Variants in GLIPR1L2 observed in about 807,000 individuals in gnomAD.
GLIPR1L2 encodes the protein GLIPR1 like 2, also known as GLIPR1-like protein 2.
Under a neutral mutation model 28.4 loss-of-function variants are expected in GLIPR1L2, and 21 were observed. The observed-to-expected ratio is 0.74, with a 90% CI of 0.52 to 1.06. GLIPR1L2 has a LOEUF of 1.06. GLIPR1L2 is among the 50% of genes least tolerant of loss of function. The pLI is 0.00. For missense variants in GLIPR1L2, 476 were observed against 416.9 expected, an observed-to-expected ratio of 1.14 and a Z score of -1.23; for synonymous variants, 145 against 139.3, an observed-to-expected ratio of 1.04 and a Z score of -0.29.
Position 75,405,019 on chromosome 12 carries a change from T to C in GLIPR1L2, c.235-5415T>C, listed in dbSNP as rs576346005. ...ATACCTATAAAAGCTAGTGAGATGGTATATTCATAAAATTTGCTAGTCTAC... is the reference window on the plus strand; with the variant it reads ...ATACCTATAAAAGCTAGTGAGATGGCATATTCATAAAATTTGCTAGTCTAC... On this transcript the variant is annotated intron_variant, in intron 1 of 5. Transcript: ENST00000550916. 6.6e-5 allele frequency among the ~76,000 whole-genome samples: 10 copies of C among 152,330 alleles called. No individual in the cohort carries two copies. The South Asian group carries it at 8.3e-4, about 13-fold the overall frequency.
chr12:75,410,083 G>T (rs1034507106), intron 1 of GLIPR1L2, among the ~76,000 whole-genome samples: 1 of 151,442 alleles, frequency 6.6e-6, no homozygotes, highest in African/African-American at 2.4e-5. Flanking sequence ...TTAGATTGTT[G>T]TATTTCTGTG....
intron 4 of GLIPR1L2, among the ~76,000 whole-genome samples, chr12:75,425,310 T>C (rs1016005124): frequency 6.6e-6 from 1 of 151,994 alleles, no homozygotes; most frequent in African/African-American, 2.4e-5. Context: ...GAAGAGTCCA[T>C]GTTGGAGTGG....
intron 4 of GLIPR1L2, among the ~76,000 whole-genome samples, chr12:75,424,265 T>A (rs2139962915): frequency 6.6e-6 from 1 of 152,360 alleles, no homozygotes; most frequent in Non-Finnish European, 1.5e-5. Flanking sequence ...CTGTTCTAAC[T>A]GGCATGAGAT....
intron 1 of GLIPR1L2, among the ~76,000 whole-genome samples, chr12:75,392,732 C>T (rs1292092456): frequency 6.6e-6 from 1 of 151,914 alleles, no homozygotes; most frequent in East Asian, 1.9e-4. Context: ...TATCTCATCT[C>T]TAAAAATTAT....
intron 3 of GLIPR1L2, among the ~76,000 whole-genome samples, chr12:75,415,344 G>T (rs2045913375): frequency 6.6e-6 from 1 of 152,076 alleles, no homozygotes; most frequent in Non-Finnish European, 1.5e-5. Context: ...GGTAGAGAAT[G>T]AAATATAAGG....
chr12:75,431,152 G>A lies in GLIPR1L2; in HGVS notation c.1026G>A (p.Glu342=), dbSNP rs2139972489. ...EETQKEKMEE[E]EK ...CACAAAAAGAAAAGATGGAGGAAGA[G>A]GAAAAATAAGAGTAGAAAGAGGAGG... Residue 342 remains glutamate, a synonymous_variant, in exon 6 of 6, where the codon GAG becomes GAA. Coordinates refer to ENST00000550916, the MANE Select transcript of GLIPR1L2 (RefSeq NM_001270396.2). The A allele has an allele frequency of 5.5e-6, 4 of 723,626 alleles. No homozygotes were observed. The highest frequency in any genetic ancestry group is 2.7e-5 in the East Asian group (1 of 36,550). 44.8% of individuals were successfully genotyped at this position (723,626 alleles called of 1,614,324 possible). A position where few individuals can be genotyped will look rare whatever the true frequency, so the allele number is the denominator to read the frequency against.
intron 1 of GLIPR1L2, among the ~76,000 whole-genome samples, chr12:75,396,485 C>T (rs2045682711): frequency 1.3e-5 from 2 of 152,192 alleles, no homozygotes; most frequent in African/African-American, 4.8e-5. Flanking sequence ...CTTTTAATAG[C>T]TCATTCAGCA....
intron 4 of GLIPR1L2, among the ~76,000 whole-genome samples, chr12:75,427,880 G>A (rs2046050259): frequency 1.3e-5 from 2 of 152,108 alleles, no homozygotes; most frequent in Admixed American, 1.3e-4. Flanking sequence ...AGTTTCCTGA[G>A]GCCTCTCCAG....
chr12:75,431,952 T>C lies in GLIPR1L2; in HGVS notation c.*791T>C, dbSNP rs1243530040. 2.0e-5 allele frequency: 3 copies of C among 152,082 alleles called. No individual in the cohort carries two copies. In the East Asian group the frequency reaches 5.8e-4, roughly 29 times the overall value. 9.4% of individuals were successfully genotyped at this position (152,082 alleles called of 1,614,324 possible). A position where few individuals can be genotyped will look rare whatever the true frequency, so the allele number is the denominator to read the frequency against. On this transcript the variant is annotated 3_prime_UTR_variant, in exon 6 of 6. Transcript: ENST00000550916. ...TAAGATAACTGCTTACCACTAGTAA[T>C]ACTAATAAATGAACTAAATAAAAAT...
chr12:75,412,945 C>T (rs1594017087), intron 2 of GLIPR1L2, among the ~76,000 whole-genome samples: 1 of 151,750 alleles, frequency 6.6e-6, no homozygotes, highest in Non-Finnish European at 1.5e-5. Flanking sequence ...GGAACCAACC[C>T]AAATGTCCAA....
chr12:75,414,777 G>A (rs1045356607), intron 3 of GLIPR1L2, among the ~76,000 whole-genome samples: 4 of 151,946 alleles, frequency 2.6e-5, no homozygotes, highest in African/African-American at 9.7e-5. Context: ...GTTGGTAGAG[G>A]TTTTTCTGGG....
At chr12:75,429,605 GC>G (rs1332675102) in intron 4 of GLIPR1L2, among the ~76,000 whole-genome samples, 4 of 152,212 alleles carry the variant, frequency 2.6e-5, no homozygotes, top group Middle Eastern at 3.4e-3. Flanking sequence ...TTTGGAAGGG[GC>G]TGTGGCAGAA....
chr12:75,391,647 TTTAAAAA>T (rs2045602251), intron 1 of GLIPR1L2: 2 of 755,182 alleles, frequency 2.6e-6, no homozygotes, highest in Non-Finnish European at 4.0e-6. Context: ...GCAACGGGTT[TTTAAAAA>T]TTAAAAATCA....
At chr12:75,417,052 A>C (rs1398158888) in intron 3 of GLIPR1L2, among the ~76,000 whole-genome samples, 3 of 152,100 alleles carry the variant, frequency 2.0e-5, no homozygotes, top group Non-Finnish European at 1.5e-5. Flanking sequence ...CCCCCTACCA[A>C]CGTTATGTTT....
chr12:75,394,782 A>C (rs952340700), intron 1 of GLIPR1L2, among the ~76,000 whole-genome samples: 1 of 151,192 alleles, frequency 6.6e-6, no homozygotes, highest in Admixed American at 6.6e-5. Context: ...AAAAAAAAAA[A>C]AACATTATTG....
intron 2 of GLIPR1L2, among the ~76,000 whole-genome samples, chr12:75,411,683 A>G (rs1047625516): frequency 6.6e-5 from 10 of 151,906 alleles, no homozygotes; most frequent in South Asian, 2.1e-4. Flanking sequence ...TGCATTTGAC[A>G]TGCTTAACTT....
intron 1 of GLIPR1L2, among the ~76,000 whole-genome samples, chr12:75,399,306 A>C (rs908485165): frequency 6.6e-6 from 1 of 152,190 alleles, no homozygotes; most frequent in Non-Finnish European, 1.5e-5. Flanking sequence ...TAGCATCTCA[A>C]ATCTGTGAGC....
At chr12:75,398,222 C>T (rs141834127) in intron 1 of GLIPR1L2, among the ~76,000 whole-genome samples, 1 of 147,582 alleles carries the variant, frequency 6.8e-6, no homozygotes, top group East Asian at 2.0e-4. Context: ...CTAGCTACTC[C>T]GAAGGCTGAG....
chr12:75,399,490 T>C (rs1286782584), intron 1 of GLIPR1L2, among the ~76,000 whole-genome samples: 1 of 152,178 alleles, frequency 6.6e-6, no homozygotes, highest in African/African-American at 2.4e-5. Flanking sequence ...ATAGGTAAAA[T>C]ATGATCTGTG....
Sources: allele counts gnomAD v4.1 joint callset (sites outside exome capture counted in the v4.1 genomes callset), GRCh38; gene constraint gnomAD v4.1.1; transcripts MANE v1.5; gene names NCBI Gene and HGNC (gene_info 2026-07-23, HGNC 2026-07-21).